Variants in TMED3 observed in about 807,000 individuals in gnomAD.
TMED3 encodes the protein transmembrane p24 trafficking protein 3.
Under a neutral mutation model 15.0 loss-of-function variants are expected in TMED3, and 9 were observed. The ratio of observed to expected loss-of-function variants is 0.60; its 90% confidence interval spans 0.36 to 1.04. The LOEUF (loss-of-function observed/expected upper bound fraction) is 1.04. TMED3 is among the 50% of genes least tolerant of loss of function. The probability of loss-of-function intolerance (pLI) is 0.01; values close to 1 mark genes in which losing one functional copy is unlikely to be tolerated. For synonymous variants in TMED3, 117 were observed against 121.4 expected, an observed-to-expected ratio of 0.96 and a Z score of 0.24; for missense variants, 267 against 278.9, an observed-to-expected ratio of 0.96 and a Z score of 0.30.
At chr15:79,343,211 A>T (rs768282093) in intron 2 of TMED3, among the ~76,000 whole-genome samples, 1 of 152,174 alleles carries the variant, frequency 6.6e-6, no homozygotes, top group Non-Finnish European at 1.5e-5. Context: ...GGGACGGTGC[A>T]TACAACCTCC....
At chr15:79,341,312 C>G (rs1220374752) in intron 2 of TMED3, among the ~76,000 whole-genome samples, 1 of 151,052 alleles carries the variant, frequency 6.6e-6, no homozygotes, top group Admixed American at 6.6e-5. Flanking sequence ...CTTGAGTACT[C>G]AGGGGAGGCA....
chr15:79,402,262 C>G (rs78829901), intron 2 of TMED3, among the ~76,000 whole-genome samples: 3,444 of 152,290 alleles, frequency 0.023, 141 homozygotes, highest in African/African-American at 0.079. Context: ...TCTGCAGGCT[C>G]CTGTGCCCCA....
chr15:79,388,247 T>C (rs1893651574), intron 2 of TMED3, among the ~76,000 whole-genome samples: 1 of 152,188 alleles, frequency 6.6e-6, no homozygotes, highest in Non-Finnish European at 1.5e-5. Context: ...TTGGTCTATC[T>C]CTTTAGACAA....
intron 2 of TMED3, among the ~76,000 whole-genome samples, chr15:79,345,178 G>T (rs1449110518): frequency 6.6e-6 from 1 of 151,982 alleles, no homozygotes; most frequent in East Asian, 1.9e-4. Context: ...AAGTTCAGGG[G>T]TACATGTGCA....
In TMED3 at chr15:79,314,621, A is replaced by G. The variant is rs142843485; in HGVS notation, c.417+616A>G. The stretch of plus-strand genomic sequence containing the variant: ...ATCTACTTCTTAAAAGCCCAGGCCC[A>G]GTGGGAATACGTATCACCTGCTCAT... On this transcript the variant is annotated intron_variant, in intron 2 of 2. Coordinates refer to ENST00000299705, the MANE Select transcript of TMED3 (RefSeq NM_007364.4). 1,433 of 451,434 alleles carry G rather than the reference A, an allele frequency of 3.2e-3. 13 individuals carry two copies. The highest frequency in any genetic ancestry group is 0.024 in the Admixed American group (998 of 42,450). The allele number at this position is 451,434 out of a possible 1,614,324, so 28.0% of individuals were successfully genotyped here. A position where few individuals can be genotyped will look rare whatever the true frequency, so the allele number is the denominator to read the frequency against.
intron 2 of TMED3, among the ~76,000 whole-genome samples, chr15:79,370,196 T>G (rs1317857967): frequency 2.0e-5 from 3 of 151,702 alleles, no homozygotes; most frequent in Non-Finnish European, 1.5e-5. Context: ...ATTCAAGTGA[T>G]TCTCCTGCCT....
chr15:79,411,413 C>T (rs1276760376), exon 3 of TMED3: 14 of 702,366 alleles, frequency 2.0e-5, no homozygotes, highest in Non-Finnish European at 3.4e-5. Context: ...TTCAGAGGAG[C>T]TTATTGGAAG....
At position 79,344,048 on chromosome 15, in the gene TMED3, C is replaced by T. The variant is rs78919601; in HGVS notation, c.417+30043C>T. Among the ~76,000 whole-genome samples, 47 of 152,260 alleles carry T rather than the reference C, an allele frequency of 3.1e-4. 1 individual carries two copies. In the East Asian group the frequency reaches 6.0e-3, roughly 19 times the overall value. On this transcript the variant is annotated intron_variant, in intron 2 of 2. Coordinates refer to the TMED3 transcript ENST00000424155. ...AGATAGAAGGTGAAATAAAAACACT[C>T]GGCCTACGTAGTTCACCAAGTAAAT...
At chr15:79,353,545 G>A (rs1476572160) in intron 2 of TMED3, among the ~76,000 whole-genome samples, 2 of 144,978 alleles carry the variant, frequency 1.4e-5, no homozygotes, top group African/African-American at 5.1e-5. Context: ...TTTTTTAAAT[G>A]TGCAGATTTT....
intron 2 of TMED3, among the ~76,000 whole-genome samples, chr15:79,316,306 A>G (rs2058740288): frequency 6.6e-6 from 1 of 152,158 alleles, no homozygotes; most frequent in African/African-American, 2.4e-5. Context: ...GGGCCAGGAG[A>G]ATGCGACTTC....
In TMED3 at chr15:79,339,655, G is replaced by A. The variant is rs114871115; in HGVS notation, c.417+25650G>A. 8.8e-3 allele frequency among the ~76,000 whole-genome samples: 1,333 copies of A among 152,226 alleles called. 16 individuals carry two copies. Among genetic ancestry groups the A allele is most frequent in the African/African-American group, 0.031 (1,286 of 41,522 alleles). ...GCGGCAGTGCAGCTGCTAGCGGGTGGTGATGACAGAGGAGTGGTAGTGATG... is the reference window on the plus strand; with the variant it reads ...GCGGCAGTGCAGCTGCTAGCGGGTGATGATGACAGAGGAGTGGTAGTGATG... On this transcript the variant is annotated intron_variant, in intron 2 of 2. Coordinates refer to the TMED3 transcript ENST00000424155.
intron 2 of TMED3, among the ~76,000 whole-genome samples, chr15:79,334,403 A>G (rs1007264186): frequency 1.3e-5 from 2 of 152,236 alleles, no homozygotes; most frequent in Admixed American, 6.5e-5. Context: ...ATGTGTGAGC[A>G]GCAGGGGTGA....
intron 2 of TMED3, among the ~76,000 whole-genome samples, chr15:79,357,464 C>CAAAAAA (rs59897659): frequency 2.3e-5 from 2 of 87,698 alleles, no homozygotes; most frequent in African/African-American, 4.2e-5. Flanking sequence ...CACCCTGCCT[C>CAAAAAA]AAAAAAAAAA....
At position 79,369,320 on chromosome 15, in the gene TMED3, T is replaced by C. The variant is rs571335368; in HGVS notation, c.418-42080T>C. Among the ~76,000 whole-genome samples the C allele has an allele frequency of 1.8e-3, 268 of 152,244 alleles. 3 individuals carry two copies. Among genetic ancestry groups the C allele is most frequent in the African/African-American group, 6.2e-3 (259 of 41,550 alleles). ...TGCCTGCTACTCTCTCCTACCTGGG[T>C]AGTTTTCAGCTTAGTCCTGCCCATG... On this transcript the variant is annotated intron_variant, in intron 2 of 2. Coordinates refer to the TMED3 transcript ENST00000424155.
At chr15:79,326,329 G>A (rs758766096), downstream of TMED3, among the ~76,000 whole-genome samples, 11 of 152,196 alleles carry the variant, frequency 7.2e-5, no homozygotes, top group African/African-American at 1.7e-4. Flanking sequence ...CCAGAAATGC[G>A]TAGTTTATTT....
chr15:79,406,239 G>C (rs1166557193), intron 2 of TMED3, among the ~76,000 whole-genome samples: 1 of 152,206 alleles, frequency 6.6e-6, no homozygotes, highest in Admixed American at 6.5e-5. Flanking sequence ...ACCGGGGTGA[G>C]GGGCTGTTTC....
intron 2 of TMED3, among the ~76,000 whole-genome samples, chr15:79,371,500 C>T (rs531969251): frequency 6.6e-6 from 1 of 152,210 alleles, no homozygotes; most frequent in South Asian, 2.1e-4. Context: ...TGCTCTCTAG[C>T]CAAGTGAGGA....
chr15:79,390,626 G>T (rs1177934984), intron 2 of TMED3, among the ~76,000 whole-genome samples: 3 of 151,976 alleles, frequency 2.0e-5, no homozygotes, highest in Non-Finnish European at 4.4e-5. Flanking sequence ...AGGGTTCCCT[G>T]TTTCTCTGTG....
chr15:79,382,972 C>T, intron 2 of TMED3: 1 of 1,535,402 alleles, frequency 6.5e-7, no homozygotes, highest in Non-Finnish European at 8.7e-7. Flanking sequence ...TCCAAGGGTC[C>T]CAGTGCTTCA....
Sources: allele counts gnomAD v4.1 joint callset (sites outside exome capture counted in the v4.1 genomes callset), GRCh38; gene constraint gnomAD v4.1.1; transcripts MANE v1.5; gene names NCBI Gene and HGNC (gene_info 2026-07-23, HGNC 2026-07-21).